The following MAML2 variants were observed in gnomAD, a reference collection of about 807,000 sequenced individuals.
The protein encoded by MAML2 is mastermind-like protein 2.
MAML2 carries 22 observed loss-of-function variants against 96.1 expected under a neutral mutation model. That is an observed-to-expected ratio of 0.23 (90% CI 0.16 to 0.33). The LOEUF is 0.33. MAML2 is among the 10% of genes least tolerant of loss of function. The pLI is 1.00. For synonymous variants in MAML2, 561 were observed against 521.3 expected (o/e 1.08, Z -1.04); for missense variants, 1,367 against 1,392.4 (o/e 0.98, Z 0.29).
At chr11:96,197,831 C>A (rs1220537124) in intron 1 of MAML2, among the ~76,000 whole-genome samples, 1 of 152,182 alleles carries the variant, frequency 6.6e-6, no homozygotes, top group Non-Finnish European at 1.5e-5. Flanking sequence ...GAAGTGAAGA[C>A]TTCAGAGGGG....
chr11:96,310,525 T>C (rs758333595), intron 1 of MAML2, among the ~76,000 whole-genome samples: 12 of 152,226 alleles, frequency 7.9e-5, no homozygotes, highest in Non-Finnish European at 1.8e-4. Flanking sequence ...ATACACATTC[T>C]AACCCTGTAT....
At chr11:96,083,476 G>A (rs1266164766) in intron 2 of MAML2, among the ~76,000 whole-genome samples, 1 of 152,090 alleles carries the variant, frequency 6.6e-6, no homozygotes, top group Non-Finnish European at 1.5e-5. Flanking sequence ...TGATCCATGG[G>A]GCAGCTGAGA....
intron 1 of MAML2, among the ~76,000 whole-genome samples, chr11:96,118,801 G>A (rs928855220): frequency 4.6e-5 from 7 of 152,086 alleles, no homozygotes; most frequent in African/African-American, 1.4e-4. Flanking sequence ...GTAGACATGA[G>A]TATGTCCGAT....
At chr11:96,283,180 G>T (rs1290457530) in intron 1 of MAML2, among the ~76,000 whole-genome samples, 1 of 152,128 alleles carries the variant, frequency 6.6e-6, no homozygotes, top group Non-Finnish European at 1.5e-5. Flanking sequence ...TCAAGGTGTG[G>T]GGGTTTTTCT....
intron 1 of MAML2, among the ~76,000 whole-genome samples, chr11:96,248,632 C>T (rs775802643): frequency 3.3e-5 from 5 of 152,090 alleles, no homozygotes; most frequent in Non-Finnish European, 7.4e-5. Context: ...ATTTCCCCCT[C>T]TAATTGGATC....
chr11:95,994,224 G>A (rs1182187618), intron 2 of MAML2, among the ~76,000 whole-genome samples: 5 of 152,152 alleles, frequency 3.3e-5, no homozygotes, highest in Admixed American at 2.6e-4. Context: ...AGGACAGGGT[G>A]GGGAGATCCT....
chr11:96,222,023 CT>C (rs1198355919), intron 1 of MAML2, among the ~76,000 whole-genome samples: 2 of 152,060 alleles, frequency 1.3e-5, no homozygotes, highest in Non-Finnish European at 2.9e-5. Flanking sequence ...CCTTTGTAAT[CT>C]TTGGTTTCCT....
chr11:96,104,699 C>A (rs1197405342), intron 1 of MAML2, among the ~76,000 whole-genome samples: 1 of 152,096 alleles, frequency 6.6e-6, no homozygotes, highest in African/African-American at 2.4e-5. Context: ...TGTAGTCATT[C>A]TCAGCCGTGC....
At chr11:95,985,865 C>T (rs926874754) in intron 3 of MAML2, among the ~76,000 whole-genome samples, 2 of 152,176 alleles carry the variant, frequency 1.3e-5, no homozygotes. Context: ...TAACAGTCAA[C>T]ATGTGTTTTG....
intron 1 of MAML2, among the ~76,000 whole-genome samples, chr11:96,112,397 C>G (rs76176497): frequency 1.6e-3 from 248 of 152,398 alleles, no homozygotes; most frequent in African/African-American, 5.7e-3. Context: ...CTCGGGCCTG[C>G]CTCTCAGAGG....
intron 1 of MAML2, among the ~76,000 whole-genome samples, chr11:96,301,527 G>A (rs188968128): frequency 8.9e-4 from 136 of 152,304 alleles, no homozygotes; most frequent in Admixed American, 2.0e-3. Flanking sequence ...ATGCCACATG[G>A]ATATGTGTTA....
chr11:96,118,143 A>G (rs985949336), intron 1 of MAML2, among the ~76,000 whole-genome samples: 11 of 152,204 alleles, frequency 7.2e-5, no homozygotes, highest in Non-Finnish European at 1.3e-4. Flanking sequence ...ATAACTATAA[A>G]TCAAGGCAGT....
intron 2 of MAML2, among the ~76,000 whole-genome samples, chr11:96,028,406 C>T (rs1436990353): frequency 2.0e-5 from 3 of 152,146 alleles, no homozygotes; most frequent in Non-Finnish European, 2.9e-5. Flanking sequence ...GAGGCCTCCT[C>T]GACCCCAAGA....
chr11:96,033,469 GGTAATA>G (rs1339369701), intron 2 of MAML2, among the ~76,000 whole-genome samples: 6 of 152,210 alleles, frequency 3.9e-5, no homozygotes, highest in African/African-American at 1.4e-4. Context: ...TCTATGCTTA[GGTAATA>G]GTTTCAAGTC....
intron 1 of MAML2, among the ~76,000 whole-genome samples, chr11:96,235,074 C>T (rs1402744998): frequency 1.3e-5 from 2 of 152,142 alleles, no homozygotes; most frequent in Non-Finnish European, 2.9e-5. Context: ...TTGCCTGAGT[C>T]AGAGCAATTT....
chr11:96,230,116 G>A (rs1348086285), intron 1 of MAML2, among the ~76,000 whole-genome samples: 1 of 152,134 alleles, frequency 6.6e-6, no homozygotes, highest in Non-Finnish European at 1.5e-5. Context: ...CAATATGACT[G>A]TCCCTGGTCC....
chr11:96,060,303 A>G (rs16922972), intron 2 of MAML2, among the ~76,000 whole-genome samples: 1,948 of 152,356 alleles, frequency 0.013, 43 homozygotes, highest in African/African-American at 0.044. Context: ...ACAGTACAGT[A>G]AACCAGTGAT....
At chr11:95,999,047 G>T (rs1253744650) in intron 2 of MAML2, among the ~76,000 whole-genome samples, 1 of 152,082 alleles carries the variant, frequency 6.6e-6, no homozygotes, top group African/African-American at 2.4e-5. Flanking sequence ...TTCTCTCAAA[G>T]GCAGTTTGAA....
At position 96,092,781 on chromosome 11, in the gene MAML2, C is replaced by A. The variant is rs542132006; in HGVS notation, c.1250G>T (p.Gly417Val). The part of the protein sequence containing the change: ...VPQSQAQPQT[G>V]SGASRALPSW... ...TGGCAAGGCCCGGCTTGCTCCGGAGCCTGTCTGAGGCTGAGCCTGGCTCTG... is the reference window on the plus strand; with the variant it reads ...TGGCAAGGCCCGGCTTGCTCCGGAGACTGTCTGAGGCTGAGCCTGGCTCTG... The change falls in exon 2 of 5, where the codon GGC becomes GTC. Residue 417 changes from glycine to valine, a missense_variant. Transcript: ENST00000524717. The surrounding 1 kb of genome is among the most constrained non-coding windows in gnomAD (Gnocchi z 4.1). 2 of 1,612,788 alleles carry A rather than the reference C, an allele frequency of 1.2e-6. No homozygotes were observed. Among genetic ancestry groups the A allele is most frequent in the South Asian group, 2.2e-5 (2 of 90,940 alleles).
Sources: allele counts gnomAD v4.1 joint callset (sites outside exome capture counted in the v4.1 genomes callset), GRCh38; gene constraint gnomAD v4.1.1; non-coding constraint Gnocchi (gnomAD v3.1); transcripts MANE v1.5; gene names NCBI Gene and HGNC (gene_info 2026-07-23, HGNC 2026-07-21).